The following DLG5 variants were observed in gnomAD, a reference collection of about 807,000 sequenced individuals.
The protein encoded by DLG5 is discs large MAGUK scaffold protein 5.
DLG5 carries 48 observed loss-of-function variants against 189.8 expected under a neutral mutation model. The ratio of observed to expected loss-of-function variants is 0.25; its 90% CI spans 0.20 to 0.32. DLG5 has a LOEUF of 0.32. Among genes scored for constraint, DLG5 ranks in the 10% least tolerant of loss-of-function variants. The pLI is 1.00. For synonymous variants in DLG5, 1,016 were observed against 1,054.1 expected (o/e 0.96, Z 0.70); for missense variants, 2,160 against 2,544.7 (o/e 0.85, Z 3.25).
chr10:77,809,684 A>G lies in DLG5; in HGVS notation c.4510T>C (p.Phe1504Leu), dbSNP rs781491443. 3.1e-6 allele frequency: 5 copies of G among 1,614,026 alleles called. No homozygotes were observed. The Admixed American group carries it at 8.3e-5, about 27-fold the overall frequency. The change falls in exon 24 of 32, where the codon TTC (phenylalanine) becomes CTC (leucine). Residue 1504 changes from phenylalanine to leucine, a missense_variant. Around this residue, in one of 5 missense-constraint regions of DLG5, gnomAD observed 574 missense variants for 644.2 expected, o/e 0.89. Coordinates refer to ENST00000372391, the MANE Select transcript of DLG5 (RefSeq NM_004747.4). The part of the protein sequence containing the change: ...NKKTLEPRVV[F>L]IKKSQLELGV... ...AGCTCCAGCTGGGACTTTTTGATGA[A>G]GACAACGCGTGGCTCCAGGGTCTTC... is the stretch of plus-strand genomic sequence containing the variant.
rs1840941843 is a variant in DLG5 at position 77,796,698 on chromosome 10, G to A, written c.5165-104C>T. 1 of 1,435,172 alleles carries A rather than the reference G, an allele frequency of 7.0e-7. No homozygotes were observed. The highest frequency in any genetic ancestry group is 9.6e-7 in the Non-Finnish European group (1 of 1,046,764). 88.9% of individuals were successfully genotyped at this position (1,435,172 alleles called of 1,614,324 possible). ...TGACCTCGCCCACTCTGGTTTGCCT[G>A]GGACTCCCCCAGCTTCAGCACTGAA... On this transcript the variant is annotated intron_variant, in intron 27 of 31. Coordinates refer to ENST00000372391, the MANE Select transcript of DLG5 (RefSeq NM_004747.4). This position sits in a 1 kb window ranked among gnomAD's most constrained non-coding sequence, Gnocchi z 5.2.
chr10:77,862,112 T>C (rs1844494504), intron 2 of DLG5, among the ~76,000 whole-genome samples: 1 of 152,206 alleles, frequency 6.6e-6, no homozygotes, highest in Admixed American at 6.5e-5. Context: ...TTTACTTGCA[T>C]CTAGAGGTTG....
chr10:77,937,661 A>G, the DLG5 span, among the ~76,000 whole-genome samples: 22 of 151,936 alleles, frequency 1.4e-4, no homozygotes, highest in Non-Finnish European at 2.5e-4. Context: ...CAAATGACCA[A>G]AATTGGATTC....
chr10:77,869,262 C>G, intron 1 of DLG5, 65 bp from the exon 2 acceptor site: 1 of 1,485,138 alleles, frequency 6.7e-7, no homozygotes, highest in Admixed American at 1.7e-5. Context: ...CCCAAGCCAG[C>G]TGATCATCAG....
At chr10:77,822,133 G>C (rs945580420) in intron 14 of DLG5, 32 bp from the exon 15 acceptor site, 1 of 1,581,540 alleles carries the variant, frequency 6.3e-7, no homozygotes, top group Non-Finnish European at 8.6e-7. Context: ...GTGAGAGAGA[G>C]AGTGAGATGG....
intron 3 of DLG5, among the ~76,000 whole-genome samples, chr10:77,854,822 CA>C (rs200667177): frequency 6.7e-6 from 1 of 149,626 alleles, no homozygotes; most frequent in South Asian, 2.1e-4. Context: ...CCCGCCTCCA[CA>C]AAAAAAAATA....
intron 11 of DLG5, 93 bp from the exon 12 acceptor site, chr10:77,829,623 G>A (rs138160841): frequency 1.4e-6 from 2 of 1,427,764 alleles, no homozygotes; most frequent in Admixed American, 4.4e-5. Context: ...GACTGCCAAG[G>A]AGTGGGTGCC....
rs551424149 is a variant in DLG5, at chr10:77,810,426, T to C, written c.4463+668A>G. ...GGGCTTGGTGAAGGCCTCTCAGTGC[T>C]GGAGACACAGCTCCTCCAGGACGGC... On this transcript the variant is annotated intron_variant, in intron 23 of 31. Transcript: ENST00000372391. 1.1e-4 allele frequency among the ~76,000 whole-genome samples: 16 copies of C among 152,314 alleles called. No individual in the cohort carries two copies. In the South Asian group the frequency reaches 3.1e-3, roughly 30 times the overall value.
chr10:77,853,511 T>C lies in DLG5; in HGVS notation c.707A>G (p.Asp236Gly). The change falls in exon 5 of 32, where the codon GAC (aspartate) becomes GGC (glycine). Residue 236 changes from aspartate (D) to glycine (G), a missense_variant. Asp to Gly is a moderately conservative substitution (Grantham distance 94). Coordinates refer to ENST00000372391, the MANE Select transcript of DLG5 (RefSeq NM_004747.4). Reference sequence around the variant, plus strand: ...CACGTCATCCTTCAGCCGAGTCTGGTCACTCAGGAGCCGGCTGTGGAGTGT... The same window carrying C: ...CACGTCATCCTTCAGCCGAGTCTGGCCACTCAGGAGCCGGCTGTGGAGTGT... ...YHTLHSRLLS[D>G]QTRLKDDVDM... The C allele has an allele frequency of 6.2e-7, 1 of 1,609,166 alleles. No individual in the cohort carries two copies. The highest frequency in any genetic ancestry group is 8.5e-7 in the Non-Finnish European group (1 of 1,178,168).
chr10:77,903,146 A>G (rs907643222), intron 1 of DLG5, among the ~76,000 whole-genome samples: 5 of 152,006 alleles, frequency 3.3e-5, no homozygotes, highest in African/African-American at 9.7e-5. Context: ...ACCATTAAGC[A>G]GCCGGGCGCA....
intron 6 of DLG5, among the ~76,000 whole-genome samples, chr10:77,843,106 T>A (rs1843506755): frequency 6.6e-6 from 1 of 152,130 alleles, no homozygotes; most frequent in East Asian, 1.9e-4. Flanking sequence ...CACATGACAG[T>A]GACCAAAGAA....
rs898161418 is a variant in DLG5, at chr10:77,914,915, A to G, written c.304+11302T>C. Among the ~76,000 whole-genome samples, 32 of 152,276 alleles carry G rather than the reference A, an allele frequency of 2.1e-4. No individual in the cohort carries two copies. In the South Asian group the frequency reaches 4.4e-3, roughly 21 times the overall value. ...CAATTCAAAGAATAATGATCACAAA[A>G]CCAGGCTTCATTCTTGGCGAACTCC... On this transcript the variant is annotated intron_variant, in intron 1 of 31. Coordinates refer to ENST00000372391, the MANE Select transcript of DLG5 (RefSeq NM_004747.4).
At chr10:77,867,255 C>T in intron 2 of DLG5, 1 of 368,404 alleles carries the variant, frequency 2.7e-6, no homozygotes, top group South Asian at 2.0e-5. Context: ...ATACCCCTCT[C>T]TGGAATCCCC....
rs184183205 is a variant in DLG5, at chr10:77,874,609, C to T, written c.305-5412G>A. On this transcript the variant is annotated intron_variant, in intron 1 of 31. Coordinates refer to ENST00000372391, the MANE Select transcript of DLG5 (RefSeq NM_004747.4). ...ATAAGGTGTATATGAAATGAGAATA[C>T]GTTTCACATCTAGACTTGGGTCCTA... Among the ~76,000 whole-genome samples, 117 of 152,280 alleles carry T rather than the reference C, an allele frequency of 7.7e-4. 1 individual carries two copies. Among genetic ancestry groups the T allele is most frequent in the African/African-American group, 2.6e-3 (109 of 41,556 alleles).
chr10:77,820,143 C>G, intron 15 of DLG5, 125 bp from the exon 16 acceptor site: 2 of 1,321,982 alleles, frequency 1.5e-6, no homozygotes, highest in Non-Finnish European at 2.0e-6. Flanking sequence ...GTCAGGAGTT[C>G]AAGACCACCC....
At chr10:77,933,502 C>A in the DLG5 span, among the ~76,000 whole-genome samples, 13 of 151,986 alleles carry the variant, frequency 8.6e-5, no homozygotes, top group Non-Finnish European at 1.3e-4. Flanking sequence ...CCATGTTGGC[C>A]AGGCTAGTCT....
At chr10:77,829,313 C>T (rs1842792765) in intron 12 of DLG5, 42 bp downstream of exon 12, 1 of 1,611,728 alleles carries the variant, frequency 6.2e-7, no homozygotes, top group African/African-American at 1.3e-5. Flanking sequence ...AAAAAGGGCC[C>T]CAGCCACCTG....
At chr10:77,795,993 G>C in intron 29 of DLG5, 68 bp downstream of exon 29, 1 of 1,604,756 alleles carries the variant, frequency 6.2e-7, no homozygotes, top group Non-Finnish European at 8.5e-7. Flanking sequence ...TCACGGACCA[G>C]GGGCCTAGAC....
intron 5 of DLG5, among the ~76,000 whole-genome samples, chr10:77,852,865 G>A (rs1210361287): frequency 2.0e-5 from 3 of 152,186 alleles, no homozygotes; most frequent in Non-Finnish European, 2.9e-5. Flanking sequence ...ATATGTGTAT[G>A]TATGTATGTA....
Sources: allele counts gnomAD v4.1 joint callset (sites outside exome capture counted in the v4.1 genomes callset), GRCh38; gene constraint gnomAD v4.1.1; regional missense constraint gnomAD v4.1.1; non-coding constraint Gnocchi (gnomAD v3.1); transcripts MANE v1.5; gene names NCBI Gene and HGNC (gene_info 2026-07-23, HGNC 2026-07-21).